The following OSBPL9 variants were observed in gnomAD, a reference collection of about 807,000 sequenced individuals.
OSBPL9 encodes the protein oxysterol-binding protein-related protein 9.
A neutral mutation model predicts 106.6 loss-of-function variants in OSBPL9; 40 were observed. The observed-to-expected ratio is 0.38, with a 90% CI of 0.29 to 0.49. The LOEUF is 0.49. OSBPL9 is among the 20% of genes least tolerant of loss of function. The probability of loss-of-function intolerance (pLI) is 0.97; values close to 1 mark genes in which losing one functional copy is unlikely to be tolerated. For missense variants in OSBPL9, 609 were observed against 887.2 expected, an observed-to-expected ratio of 0.69 and a Z score of 3.98; for synonymous variants, 269 against 295.4, an observed-to-expected ratio of 0.91 and a Z score of 0.92.
At position 51,753,822 on chromosome 1, in the gene OSBPL9, T is replaced by C. The variant is rs535510491; in HGVS notation, c.544-2498T>C. ...ATTGGTTCCTAAACTTTACTGCATA[T>C]TGGAGTCATTTGGAAATCAGTTCTG... On this transcript the variant is annotated intron_variant, in intron 8 of 23. Coordinates refer to ENST00000428468, the MANE Select transcript of OSBPL9 (RefSeq NM_024586.6). Among the ~76,000 whole-genome samples, 165 of 152,338 alleles carry C rather than the reference T, an allele frequency of 1.1e-3. 2 individuals are homozygous for C. Among genetic ancestry groups the C allele is most frequent in the African/African-American group, 3.7e-3 (152 of 41,582 alleles).
upstream of OSBPL9, among the ~76,000 whole-genome samples, chr1:51,616,027 T>TTTTTGTGTG (rs1292732346): frequency 5.4e-5 from 8 of 147,360 alleles, no homozygotes; most frequent in African/African-American, 2.1e-4. Context: ...TTTTTTTTTT[T>TTTTTGTGTG]TGTGTGAGAG....
At chr1:51,593,679 T>A (rs565120768) in intron 1 of OSBPL9, among the ~76,000 whole-genome samples, 2 of 152,234 alleles carry the variant, frequency 1.3e-5, no homozygotes, top group Non-Finnish European at 2.9e-5. Context: ...CACCTTCCTC[T>A]GTAGCACCTC....
At chr1:51,695,240 G>A (rs889424489) in intron 3 of OSBPL9, among the ~76,000 whole-genome samples, 1 of 152,174 alleles carries the variant, frequency 6.6e-6, no homozygotes, top group Non-Finnish European at 1.5e-5. Flanking sequence ...CAAGCATGTA[G>A]TGGTAAAGAA....
intron 1 of OSBPL9, among the ~76,000 whole-genome samples, chr1:51,628,177 C>G (rs1318426351): frequency 1.3e-5 from 2 of 151,814 alleles, no homozygotes; most frequent in African/African-American, 4.8e-5. Flanking sequence ...TGAAATCCTA[C>G]TTATCTGTGT....
At chr1:51,635,754 T>C (rs1383946477) in intron 1 of OSBPL9, among the ~76,000 whole-genome samples, 1 of 152,116 alleles carries the variant, frequency 6.6e-6, no homozygotes, top group Non-Finnish European at 1.5e-5. Context: ...AAATTATCCT[T>C]TTTTAAAAAC....
At chr1:51,634,943 A>G (rs979982881) in intron 1 of OSBPL9, among the ~76,000 whole-genome samples, 1 of 152,152 alleles carries the variant, frequency 6.6e-6, no homozygotes, top group Non-Finnish European at 1.5e-5. Context: ...ACCACAAGAA[A>G]CAGTATGGGG....
In OSBPL9 at chr1:51,689,488, T is replaced by C. The variant is rs116740065; in HGVS notation, c.241+19976T>C. 3.6e-3 allele frequency among the ~76,000 whole-genome samples: 551 copies of C among 152,324 alleles called. 4 individuals carry two copies. Among genetic ancestry groups the C allele is most frequent in the African/African-American group, 0.012 (505 of 41,568 alleles). ...TTTTGAAGTTCTATATTTTCCCTCA[T>C]GAATTGAGATTTAGCTTTAGCTTCT... On this transcript the variant is annotated intron_variant, in intron 3 of 23. Transcript: ENST00000428468.
chr1:51,761,997 G>A (rs751237521), intron 11 of OSBPL9, 26 bp downstream of exon 11: 5 of 1,487,536 alleles, frequency 3.4e-6, no homozygotes, highest in Admixed American at 1.7e-5. Flanking sequence ...ATTTCTTTAT[G>A]TCTCATAACT....
At chr1:51,636,229 T>G (rs577267244) in intron 1 of OSBPL9, among the ~76,000 whole-genome samples, 121 of 144,026 alleles carry the variant, frequency 8.4e-4, no homozygotes, top group Non-Finnish European at 1.4e-3. Context: ...GGCATGATCA[T>G]AGTTCACTGT....
At chr1:51,640,800 A>ATT (rs35721198) in intron 1 of OSBPL9, among the ~76,000 whole-genome samples, 7 of 143,966 alleles carry the variant, frequency 4.9e-5, no homozygotes, top group Non-Finnish European at 7.7e-5. Context: ...TGTAAAGATA[A>ATT]TTTTTTTTTT....
intron 4 of OSBPL9, among the ~76,000 whole-genome samples, chr1:51,732,932 C>T (rs1664788435): frequency 6.6e-6 from 1 of 152,208 alleles, no homozygotes; most frequent in Non-Finnish European, 1.5e-5. Flanking sequence ...AACTGTTTCT[C>T]ATTGAGAACA....
the OSBPL9 span, among the ~76,000 whole-genome samples, chr1:51,553,353 C>T: frequency 2.6e-5 from 4 of 151,548 alleles, no homozygotes; most frequent in Admixed American, 1.3e-4. Flanking sequence ...TCTACAAAAA[C>T]GTTAAAAAAA....
chr1:51,599,916 C>T (rs1645319022), intron 2 of OSBPL9, among the ~76,000 whole-genome samples: 1 of 152,210 alleles, frequency 6.6e-6, no homozygotes, highest in Non-Finnish European at 1.5e-5. Context: ...AAGGTGGTGC[C>T]TCTTGCTGTG....
At chr1:51,628,413 T>C (rs1644899657) in intron 1 of OSBPL9, among the ~76,000 whole-genome samples, 1 of 151,924 alleles carries the variant, frequency 6.6e-6, no homozygotes, top group East Asian at 2.0e-4. Context: ...TCATCTGGCT[T>C]TGGGAAGTTA....
chr1:51,776,948 G>C (rs186168732), intron 15 of OSBPL9, 30 bp downstream of exon 15: 1 of 1,494,908 alleles, frequency 6.7e-7, no homozygotes, highest in South Asian at 1.1e-5. Flanking sequence ...AGTTTCCAAC[G>C]TTTACAGATG....
chr1:51,757,290 G>T (rs1325941134), intron 9 of OSBPL9, among the ~76,000 whole-genome samples: 1 of 151,992 alleles, frequency 6.6e-6, no homozygotes, highest in Non-Finnish European at 1.5e-5. Flanking sequence ...AAATATATCA[G>T]AATTTTTGTC....
chr1:51,637,320 G>A (rs1162788984), intron 1 of OSBPL9, among the ~76,000 whole-genome samples: 3 of 152,148 alleles, frequency 2.0e-5, no homozygotes, highest in East Asian at 1.9e-4. Flanking sequence ...GTGAATCACC[G>A]TCTCTACTAA....
At chr1:51,617,996 T>TTGTGTGTGTGTGTGTGTGTGTGTGTG (rs58221259) in intron 1 of OSBPL9, among the ~76,000 whole-genome samples, 4 of 145,702 alleles carry the variant, frequency 2.7e-5, no homozygotes, top group African/African-American at 1.0e-4. Context: ...TCTTACGTGG[T>TTGTGTGTGTGTGTGTGTGTGTGTGTG]TGTGTGTGTG....
intron 4 of OSBPL9, among the ~76,000 whole-genome samples, chr1:51,741,573 CT>C (rs574695704): frequency 2.9e-4 from 41 of 141,464 alleles, no homozygotes; most frequent in Non-Finnish European, 3.6e-4. Flanking sequence ...CTCTTTCTTT[CT>C]TTTTTTTTTG....
Sources: allele counts gnomAD v4.1 joint callset (sites outside exome capture counted in the v4.1 genomes callset), GRCh38; gene constraint gnomAD v4.1.1; transcripts MANE v1.5; gene names NCBI Gene and HGNC (gene_info 2026-07-23, HGNC 2026-07-21).